The following GPAM variants were observed in gnomAD, a reference collection of about 807,000 sequenced individuals.
The protein encoded by GPAM is glycerol-3-phosphate acyltransferase 1, mitochondrial.
A neutral mutation model predicts 105.0 loss-of-function variants in GPAM; 56 were observed. The ratio of observed to expected loss-of-function variants is 0.53; its 90% CI spans 0.43 to 0.67. The LOEUF (loss-of-function observed/expected upper bound fraction) is 0.67, where lower values mean the gene tolerates loss of function less well. Ranked by LOEUF, GPAM falls within the 30% of genes least tolerant of loss-of-function variation. GPAM has a pLI of 0.00. For missense variants in GPAM, 855 were observed against 989.8 expected, an observed-to-expected ratio of 0.86 and a Z score of 1.83; for synonymous variants, 368 against 354.4, an observed-to-expected ratio of 1.04 and a Z score of -0.43.
the GPAM span, among the ~76,000 whole-genome samples, chr10:112,221,157 A>G: frequency 9.3e-4 from 142 of 152,304 alleles, no homozygotes; most frequent in African/African-American, 3.0e-3. Context: ...TAATTTGGTA[A>G]ACATTCACAG....
In GPAM at chr10:112,198,654, C is replaced by T. The variant is rs529173896; in HGVS notation, n.211-15763G>A. Among the ~76,000 whole-genome samples, 7 of 152,280 alleles carry T rather than the reference C, an allele frequency of 4.6e-5. No homozygotes were observed. In the South Asian group the frequency reaches 1.5e-3, roughly 32 times the overall value. ...TTTAAAATAGAGCTACTATATGATTCAGCAAGCCCACTTCTGGATGCATAT... is the reference window on the plus strand; with the variant it reads ...TTTAAAATAGAGCTACTATATGATTTAGCAAGCCCACTTCTGGATGCATAT... On this transcript the variant is annotated intron_variant and non_coding_transcript_variant, in intron 1 of 3. Coordinates refer to the GPAM transcript ENST00000480130.
intron 14 of GPAM, 105 bp from the exon 15 acceptor site, chr10:112,161,842 G>T: frequency 1.2e-6 from 1 of 809,226 alleles, no homozygotes; most frequent in Non-Finnish European, 2.1e-6. Flanking sequence ...AACTGTGAAA[G>T]TCTTCTATCA....
chr10:112,222,470 TG>T, the GPAM span, among the ~76,000 whole-genome samples: 1 of 152,304 alleles, frequency 6.6e-6, no homozygotes, highest in Non-Finnish European at 1.5e-5. Context: ...TTGCTATACC[TG>T]GCATAGATCC....
chr10:112,164,418 A>G, intron 13 of GPAM, 107 bp downstream of exon 13: 2 of 715,510 alleles, frequency 2.8e-6, no homozygotes, highest in South Asian at 3.0e-5. Flanking sequence ...TTACTTAAGA[A>G]GTGAAAATAA....
rs1846948915 is a variant in GPAM at position 112,153,084 on chromosome 10, A to G, written c.*466T>C. On this transcript the variant is annotated 3_prime_UTR_variant, in exon 22 of 22. Transcript: ENST00000348367. ...CTATTGACAGATAAAACTGAAAAAG[A>G]GTGAATGGATGACTCAATTATTTTT... 1 of 998,650 alleles carries G rather than the reference A, an allele frequency of 1.0e-6. No homozygotes were observed. The highest frequency in any genetic ancestry group is 5.2e-5 in the Admixed American group (1 of 19,358). 61.9% of individuals were successfully genotyped at this position (998,650 alleles called of 1,614,324 possible).
In GPAM at chr10:112,192,007, C is replaced by T. The variant is rs981589264; in HGVS notation, n.211-9116G>A. On this transcript the variant is annotated intron_variant and non_coding_transcript_variant, in intron 1 of 3. Coordinates refer to the GPAM transcript ENST00000480130. ...AAGGAATGGAACTTTGAGTACCACG[C>T]AGAGCCCAGGCAAGGTGCAATGAGG... Among the ~76,000 whole-genome samples, 6 of 152,174 alleles carry T rather than the reference C, an allele frequency of 3.9e-5. 1 individual carries two copies. The East Asian group carries it at 7.7e-4, about 20-fold the overall frequency.
intron 2 of GPAM, among the ~76,000 whole-genome samples, 192 bp from the exon 3 acceptor site, chr10:112,182,005 C>T (rs377055041): frequency 2.0e-5 from 3 of 150,150 alleles, no homozygotes; most frequent in African/African-American, 7.3e-5. Context: ...GCTTCCCTGA[C>T]TAGAAAAAAA....
intron 1 of GPAM, among the ~76,000 whole-genome samples, chr10:112,212,194 G>T (rs1847918134): frequency 6.6e-6 from 1 of 152,194 alleles, no homozygotes; most frequent in Non-Finnish European, 1.5e-5. Flanking sequence ...AGTAACTGGG[G>T]AGGCAGACAG....
chr10:112,207,226 G>A (rs1847862120), intron 1 of GPAM, among the ~76,000 whole-genome samples: 1 of 152,184 alleles, frequency 6.6e-6, no homozygotes, highest in Non-Finnish European at 1.5e-5. Flanking sequence ...TTCCTATGAT[G>A]TACGGGACAG....
Position 112,153,386 on chromosome 10 carries a change from A to G in GPAM, c.*164T>C. On this transcript the variant is annotated 3_prime_UTR_variant, in exon 22 of 22. Transcript: ENST00000348367. ...CTGCTGTGTTGATGCAGAGCTGGGA[A>G]GATCACAGATCCATGGAGGGAGAAG... 1.3e-6 allele frequency: 2 copies of G among 1,566,436 alleles called. No individual in the cohort carries two copies. Among genetic ancestry groups the G allele is most frequent in the African/African-American group, 1.3e-5 (1 of 74,156 alleles).
At chr10:112,176,695 C>A (rs1196641850) in intron 5 of GPAM, among the ~76,000 whole-genome samples, 1 of 152,126 alleles carries the variant, frequency 6.6e-6, no homozygotes, top group Non-Finnish European at 1.5e-5. Flanking sequence ...TTGGTATGTA[C>A]AAAGTCCAAG....
At chr10:112,167,760 T>C (rs750862214) in intron 11 of GPAM, among the ~76,000 whole-genome samples, 3 of 152,244 alleles carry the variant, frequency 2.0e-5, no homozygotes, top group Non-Finnish European at 2.9e-5. Flanking sequence ...TATTGTTCCT[T>C]GATCTGGGTG....
chr10:112,217,699 C>T (rs906710811), upstream of GPAM, among the ~76,000 whole-genome samples: 2 of 152,188 alleles, frequency 1.3e-5, no homozygotes, highest in Non-Finnish European at 2.9e-5. Context: ...ACCCTCCCTA[C>T]AACCCTAAGC....
Position 112,160,008 on chromosome 10 carries a change from G to C in GPAM, c.1805C>G (p.Pro602Arg), listed in dbSNP as rs776156345. Reference protein sequence around the residue: ...AVLNKRGLGGPTSTPPNLISQ... With the variant: ...AVLNKRGLGGRTSTPPNLISQ... Reference sequence around the variant, plus strand: ...GATCAGGTTAGGTGGGGTGCTAGTGGGACCCCCCAGTCCCCTCTTGTTCAG... The same window carrying C: ...GATCAGGTTAGGTGGGGTGCTAGTGCGACCCCCCAGTCCCCTCTTGTTCAG... The change falls in exon 17 of 22, where the codon CCC becomes CGC. Residue 602 changes from proline (P) to arginine (R), a missense_variant. Physicochemically the swap from Pro to Arg is moderately radical, Grantham distance 103. Transcript: ENST00000348367. The C allele has an allele frequency of 1.4e-5, 22 of 1,613,472 alleles. No homozygotes were observed. The South Asian group carries it at 2.2e-4, about 16-fold the overall frequency.
chr10:112,161,487 T>G (rs906733827), intron 15 of GPAM, among the ~76,000 whole-genome samples, 180 bp downstream of exon 15: 2 of 152,244 alleles, frequency 1.3e-5, no homozygotes, highest in Admixed American at 6.5e-5. Flanking sequence ...TGTTTTTAAA[T>G]GTAGATTCTT....
At chr10:112,175,762 GT>G in intron 5 of GPAM, 49 bp from the exon 6 acceptor site, 1 of 1,145,568 alleles carries the variant, frequency 8.7e-7, no homozygotes, top group Non-Finnish European at 1.3e-6. Context: ...CCTAAAACAA[GT>G]TGCTTAAATC....
chr10:112,175,536 C>G lies in GPAM; in HGVS notation c.413+64G>C, dbSNP rs1055463709. 3.6e-6 allele frequency: 3 copies of G among 829,712 alleles called. No homozygotes were observed. In the African/African-American group the frequency reaches 5.0e-5, roughly 14 times the overall value. The allele number at this position is 829,712 out of a possible 1,614,324, so 51.4% of individuals were successfully genotyped here. The stretch of plus-strand genomic sequence containing the variant: ...AACTAAAGGTTACTAAGAATTACTT[C>G]CCCCTCCCACTCCTACCGCCCATCC... On this transcript the variant is annotated intron_variant, in intron 6 of 21. Coordinates refer to ENST00000348367, the MANE Select transcript of GPAM (RefSeq NM_001244949.2).
Position 112,195,276 on chromosome 10 carries a change from T to C in GPAM, n.211-12385A>G, listed in dbSNP as rs565159654. On this transcript the variant is annotated intron_variant and non_coding_transcript_variant, in intron 1 of 3. Coordinates refer to the GPAM transcript ENST00000480130. ...GACTAAAATCCTTCCATATATTCCT[T>C]ACAGATTTTAGAACAAAAACTAAAG... 8.5e-5 allele frequency among the ~76,000 whole-genome samples: 13 copies of C among 152,348 alleles called. No individual in the cohort carries two copies. The South Asian group carries it at 2.7e-3, about 32-fold the overall frequency.
chr10:112,203,126 G>T (rs1048813467), intron 1 of GPAM, among the ~76,000 whole-genome samples: 1 of 152,154 alleles, frequency 6.6e-6, no homozygotes, highest in Non-Finnish European at 1.5e-5. Context: ...AGGGGAGGGA[G>T]AGAGAAGCAG....
Sources: allele counts gnomAD v4.1 joint callset (sites outside exome capture counted in the v4.1 genomes callset), GRCh38; gene constraint gnomAD v4.1.1; transcripts MANE v1.5; gene names NCBI Gene and HGNC (gene_info 2026-07-23, HGNC 2026-07-21).